AGMO: variants seen among roughly 807,000 people sequenced by gnomAD.
AGMO encodes alkylglycerol monooxygenase.
AGMO carries 75 observed loss-of-function variants against 60.2 expected under a neutral mutation model. That is an observed-to-expected ratio of 1.25 (90% CI 1.03 to 1.51). The LOEUF (loss-of-function observed/expected upper bound fraction) is 1.51. Ranked by LOEUF, AGMO falls within the 40% of genes most tolerant of loss-of-function variation. The pLI is 0.00. For synonymous variants in AGMO, 261 were observed against 177.1 expected, an observed-to-expected ratio of 1.47 and a Z score of -3.76; for missense variants, 763 against 525.5, an observed-to-expected ratio of 1.45 and a Z score of -4.42.
At chr7:15,547,475 C>A (rs578053097) in intron 2 of AGMO, among the ~76,000 whole-genome samples, 1 of 151,892 alleles carries the variant, frequency 6.6e-6, no homozygotes, top group African/African-American at 2.4e-5. Flanking sequence ...GTGCGCGAGC[C>A]GAAGCAGGGC....
chr7:15,258,476 C>T (rs1411214585), intron 12 of AGMO, among the ~76,000 whole-genome samples: 3 of 151,630 alleles, frequency 2.0e-5, no homozygotes, highest in Non-Finnish European at 1.5e-5. Flanking sequence ...ATCCGGGAGG[C>T]GGAGCTTGCA....
rs139937380 is a variant in AGMO, at chr7:15,262,966, C to T, written c.1264-61607G>A. Among the ~76,000 whole-genome samples, 1,141 of 152,068 alleles carry T rather than the reference C, an allele frequency of 7.5e-3. 13 individuals are homozygous for T. Among genetic ancestry groups the T allele is most frequent in the African/African-American group, 0.026 (1,084 of 41,508 alleles). ...AAGACTTAAATATAAGACCTGAAAC[C>T]GTAAAGATTCTAGAAGATAACATTG... On this transcript the variant is annotated intron_variant, in intron 12 of 12. Transcript: ENST00000342526.
intron 12 of AGMO, among the ~76,000 whole-genome samples, chr7:15,225,903 T>C (rs1414315709): frequency 6.6e-6 from 1 of 151,982 alleles, no homozygotes; most frequent in Non-Finnish European, 1.5e-5. Flanking sequence ...ATTCTCTTCT[T>C]ACCCTGGCAA....
At chr7:15,145,216 T>C in the AGMO span, among the ~76,000 whole-genome samples, 1 of 152,140 alleles carries the variant, frequency 6.6e-6, no homozygotes, top group Non-Finnish European at 1.5e-5. Context: ...AAATAGTAAA[T>C]AAATGTATTA....
At chr7:15,276,389 G>T (rs1783788577) in intron 12 of AGMO, among the ~76,000 whole-genome samples, 1 of 151,848 alleles carries the variant, frequency 6.6e-6, no homozygotes, top group Non-Finnish European at 1.5e-5. Context: ...TAAGGTTTCT[G>T]CTCAGAAATC....
chr7:15,412,681 A>AT (rs1203733494), intron 5 of AGMO, among the ~76,000 whole-genome samples: 3 of 134,080 alleles, frequency 2.2e-5, no homozygotes, highest in African/African-American at 8.8e-5. Context: ...GCATTTCATT[A>AT]TTTAAAAAAA....
intron 12 of AGMO, among the ~76,000 whole-genome samples, chr7:15,249,922 T>C (rs117187520): frequency 9.0e-4 from 137 of 152,298 alleles, no homozygotes; most frequent in Non-Finnish European, 1.8e-3. Context: ...AGGAAAAATG[T>C]CTAAAGAAAG....
the AGMO span, among the ~76,000 whole-genome samples, chr7:15,123,741 TA>T: frequency 4.6e-5 from 7 of 151,844 alleles, no homozygotes; most frequent in East Asian, 7.8e-4. Flanking sequence ...AAAGTGGTAT[TA>T]AAAAAAAGAG....
chr7:15,178,628 C>T, the AGMO span, among the ~76,000 whole-genome samples: 1 of 151,962 alleles, frequency 6.6e-6, no homozygotes, highest in Non-Finnish European at 1.5e-5. Context: ...GCTGTATGTA[C>T]TTGGTACATA....
In AGMO at chr7:15,398,605, C is replaced by G. The variant is rs548722400; in HGVS notation, c.610-4426G>C. The stretch of plus-strand genomic sequence containing the variant: ...TAATTATCGCCTATTTTTGCAAATT[C>G]AGGCATTTGGCAATTCGACGACGTC... On this transcript the variant is annotated intron_variant, in intron 5 of 12. Transcript: ENST00000342526. Among the ~76,000 whole-genome samples, 10 of 152,256 alleles carry G rather than the reference C, an allele frequency of 6.6e-5. No individual in the cohort carries two copies. The East Asian group carries it at 1.9e-3, about 29-fold the overall frequency.
rs1047364000 is a variant in AGMO at position 15,504,272 on chromosome 7, T to C, written c.409+40500A>G. On this transcript the variant is annotated intron_variant, in intron 3 of 12. Transcript: ENST00000342526. Reference sequence around the variant, plus strand: ...CCTTCTTTAGTTGAATGCATCAAAATTTGTAACTAGAAACTTTATAAAGAT... The same window carrying C: ...CCTTCTTTAGTTGAATGCATCAAAACTTGTAACTAGAAACTTTATAAAGAT... 3.3e-5 allele frequency among the ~76,000 whole-genome samples: 5 copies of C among 151,992 alleles called. No homozygotes were observed. The South Asian group carries it at 8.3e-4, about 25-fold the overall frequency.
chr7:15,238,364 T>C (rs999901424), intron 12 of AGMO, among the ~76,000 whole-genome samples: 3 of 151,990 alleles, frequency 2.0e-5, no homozygotes, highest in Admixed American at 1.3e-4. Context: ...GTGAAAATTA[T>C]AGTTAACAAT....
At chr7:15,561,574 G>T in intron 1 of AGMO, 146 bp downstream of exon 1, 1 of 792,086 alleles carries the variant, frequency 1.3e-6, no homozygotes, top group Non-Finnish European at 1.8e-6. Flanking sequence ...TTCTACTTTT[G>T]CTTCACGCCT....
In AGMO at chr7:15,387,315, T is replaced by C. The variant is rs1490033542; in HGVS notation, c.957+91A>G. 3 of 1,410,114 alleles carry C rather than the reference T, an allele frequency of 2.1e-6. No individual in the cohort carries two copies. The Admixed American group carries it at 6.4e-5, about 30-fold the overall frequency. The allele number at this position is 1,410,114 out of a possible 1,614,324, so 87.4% of individuals were successfully genotyped here. On this transcript the variant is annotated intron_variant, in intron 9 of 12. Coordinates refer to ENST00000342526, the MANE Select transcript of AGMO (RefSeq NM_001004320.2). ...GACTGGGGGAACATCTTTTTACAGATTTGCATGAAAACAGCGTATGTACAG... is the reference window on the plus strand; with the variant it reads ...GACTGGGGGAACATCTTTTTACAGACTTGCATGAAAACAGCGTATGTACAG...
chr7:15,327,715 G>GA (rs1453159763), intron 12 of AGMO, among the ~76,000 whole-genome samples: 4 of 145,634 alleles, frequency 2.7e-5, no homozygotes, highest in East Asian at 2.1e-4. Flanking sequence ...AGGTTTTCAT[G>GA]AAAAAATGAT....
chr7:15,353,341 A>G (rs1245441550), intron 12 of AGMO, among the ~76,000 whole-genome samples: 1 of 152,202 alleles, frequency 6.6e-6, no homozygotes, highest in Non-Finnish European at 1.5e-5. Context: ...GATTTCTAAC[A>G]TTCTCAAATC....
At chr7:15,526,395 T>G (rs1347232558) in intron 3 of AGMO, among the ~76,000 whole-genome samples, 1 of 152,208 alleles carries the variant, frequency 6.6e-6, no homozygotes, top group Non-Finnish European at 1.5e-5. Flanking sequence ...GCCTTACTTC[T>G]TTAACAAATC....
intron 12 of AGMO, among the ~76,000 whole-genome samples, chr7:15,269,978 T>C (rs1374899280): frequency 1.3e-5 from 2 of 152,156 alleles, no homozygotes; most frequent in Admixed American, 6.6e-5. Flanking sequence ...TTTCATGGTG[T>C]ATATATACCA....
At chr7:15,258,777 C>A (rs1309590384) in intron 12 of AGMO, among the ~76,000 whole-genome samples, 24 of 152,062 alleles carry the variant, frequency 1.6e-4, no homozygotes, top group Admixed American at 1.5e-3. Flanking sequence ...CCAGTACCAT[C>A]CCAGAGCCCT....
Sources: gnomAD v4.1 joint callset for allele counts (sites outside exome capture counted in the v4.1 genomes callset) on GRCh38, gnomAD v4.1.1 for gene constraint, MANE v1.5 for transcripts, NCBI Gene and HGNC (gene_info 2026-07-23, HGNC 2026-07-21) for gene names.